The following SNRPC variants were observed in gnomAD, a reference collection of about 807,000 sequenced individuals.
SNRPC encodes the protein U1 small nuclear ribonucleoprotein C.
SNRPC carries 5 observed loss-of-function variants against 20.0 expected under a neutral mutation model. That is an observed-to-expected ratio of 0.25 (90% confidence interval 0.13 to 0.53). SNRPC has a LOEUF of 0.53. Ranked by LOEUF, SNRPC falls within the 20% of genes least tolerant of loss-of-function variation. The pLI is 0.96. For synonymous variants in SNRPC, 61 were observed against 58.7 expected (o/e 1.04, Z -0.18); for missense variants, 112 against 224.1 (o/e 0.50, Z 3.19).
At chr6:34,757,691 G>A in intron 1 of SNRPC, 140 bp downstream of exon 1, 1 of 1,376,678 alleles carries the variant, frequency 7.3e-7, no homozygotes, top group Non-Finnish European at 1.0e-6. Flanking sequence ...CAGGGAGATG[G>A]AGAGCGCTAG....
chr6:34,760,744 T>C (rs1764525158), intron 2 of SNRPC, among the ~76,000 whole-genome samples: 1 of 151,998 alleles, frequency 6.6e-6, no homozygotes, highest in South Asian at 2.1e-4. Context: ...ATCCCTGCAG[T>C]GGACTTAGAA....
At position 34,773,782 on chromosome 6, in the gene SNRPC, CT is replaced by C; in HGVS notation, c.*215del. The C allele has an allele frequency of 2.4e-6, 1 of 421,954 alleles. No homozygotes were observed. The highest frequency in any genetic ancestry group is 2.0e-5 in the African/African-American group (1 of 50,604). 26.1% of individuals were successfully genotyped at this position (421,954 alleles called of 1,614,324 possible). A position where few individuals can be genotyped will look rare whatever the true frequency, so the allele number is the denominator to read the frequency against. The stretch of plus-strand genomic sequence containing the variant: ...AAATGTGAAAATAAAATTGTCAACT[CT>C]TTCAGTTAAAAGTGTGTTCCCTTTT... On this transcript the variant is annotated 3_prime_UTR_variant, in exon 6 of 6. Transcript: ENST00000244520. The surrounding 1 kb of genome is among the most constrained non-coding windows in gnomAD (Gnocchi z 4.1).
chr6:34,759,951 G>A (rs1454880475), intron 2 of SNRPC, among the ~76,000 whole-genome samples: 1 of 152,026 alleles, frequency 6.6e-6, no homozygotes, highest in East Asian at 1.9e-4. Context: ...TGATCATCTT[G>A]AATAGTAGCT....
chr6:34,766,231 T>A (rs1470861317), intron 3 of SNRPC, among the ~76,000 whole-genome samples: 3 of 151,950 alleles, frequency 2.0e-5, no homozygotes, highest in Non-Finnish European at 4.4e-5. Flanking sequence ...GATAGAGTCT[T>A]ACTCTGTCAC....
chr6:34,759,684 C>T (rs1194364269), intron 2 of SNRPC, among the ~76,000 whole-genome samples: 2 of 152,090 alleles, frequency 1.3e-5, no homozygotes, highest in African/African-American at 2.4e-5. Flanking sequence ...TTCTAAAGTA[C>T]CAGGAGTTTG....
intron 2 of SNRPC, 114 bp from the exon 3 acceptor site, chr6:34,762,481 A>ACC: frequency 1.6e-6 from 1 of 610,642 alleles, no homozygotes. Flanking sequence ...ATACTGTAGC[A>ACC]GCCAGCTAAT....
At chr6:34,764,097 A>C (rs1443141252) in intron 3 of SNRPC, among the ~76,000 whole-genome samples, 1 of 151,724 alleles carries the variant, frequency 6.6e-6, no homozygotes, top group Non-Finnish European at 1.5e-5. Context: ...TAATCTCAGC[A>C]CTTTGGGAGG....
intron 2 of SNRPC, among the ~76,000 whole-genome samples, chr6:34,762,285 CAG>C (rs1291206444): frequency 6.7e-6 from 1 of 148,476 alleles, no homozygotes; most frequent in African/African-American, 2.5e-5. Flanking sequence ...GCCTGGGCAA[CAG>C]AGCAGGACCC....
At chr6:34,767,873 A>ATT in intron 3 of SNRPC, 35 bp from the exon 4 acceptor site, 1 of 1,365,282 alleles carries the variant, frequency 7.3e-7, no homozygotes, top group Non-Finnish European at 9.9e-7. Flanking sequence ...ATTCTTATTC[A>ATT]TCTTTTTTTT....
chr6:34,767,764 C>T (rs1764631504), intron 3 of SNRPC, 144 bp from the exon 4 acceptor site: 1 of 792,376 alleles, frequency 1.3e-6, no homozygotes, highest in Non-Finnish European at 1.8e-6. Context: ...AACTGTAGAA[C>T]CATGATGTAA....
chr6:34,769,174 C>T (rs62404837), intron 4 of SNRPC, among the ~76,000 whole-genome samples: 5 of 151,586 alleles, frequency 3.3e-5, no homozygotes, highest in Non-Finnish European at 7.4e-5. Context: ...TTTTTGATAG[C>T]GGAATAGTCT....
intron 3 of SNRPC, among the ~76,000 whole-genome samples, chr6:34,763,576 G>A (rs1277889455): frequency 6.6e-6 from 1 of 151,258 alleles, no homozygotes; most frequent in Non-Finnish European, 1.5e-5. Context: ...AGCTACTCAG[G>A]AGGCTAAGGC....
At chr6:34,759,687 G>A (rs1764507727) in intron 2 of SNRPC, among the ~76,000 whole-genome samples, 2 of 152,164 alleles carry the variant, frequency 1.3e-5, no homozygotes, top group Admixed American at 1.3e-4. Flanking sequence ...TAAAGTACCA[G>A]GAGTTTGGCA....
chr6:34,764,250 C>T (rs1235364992), intron 3 of SNRPC, among the ~76,000 whole-genome samples: 8 of 151,042 alleles, frequency 5.3e-5, no homozygotes, highest in Admixed American at 1.3e-4. Context: ...GAGGCTGAGG[C>T]GGGTGGATCA....
chr6:34,767,881 T>A, intron 3 of SNRPC, 27 bp from the exon 4 acceptor site: 1 of 1,477,592 alleles, frequency 6.8e-7, no homozygotes. Flanking sequence ...TCATCTTTTT[T>A]TTTTTTTTTT....
intron 5 of SNRPC, among the ~76,000 whole-genome samples, chr6:34,772,641 A>C (rs3798351): frequency 0.064 from 9,773 of 152,230 alleles, 533 homozygotes; most frequent in East Asian, 0.33. Context: ...TTGATATTTA[A>C]AAAGAATATA....
chr6:34,768,331 AG>A (rs1292576993), intron 4 of SNRPC, among the ~76,000 whole-genome samples: 1 of 152,202 alleles, frequency 6.6e-6, no homozygotes, highest in African/African-American at 2.4e-5. Flanking sequence ...CATGAATAGG[AG>A]TTGCTAGGTA....
rs1354556889 is a variant in SNRPC, at chr6:34,764,162, G to A, written c.160+1459G>A. Among the ~76,000 whole-genome samples, 4 of 149,774 alleles carry A rather than the reference G, an allele frequency of 2.7e-5. No individual in the cohort carries two copies. In the East Asian group the frequency reaches 7.9e-4, roughly 30 times the overall value. On this transcript the variant is annotated intron_variant, in intron 3 of 5. Transcript: ENST00000244520. ...AGTTCGAGACCAGCTTGGCCAACAT[G>A]GCAAAACCCCATCTCTACTAAAAAT...
intron 4 of SNRPC, 21 bp from the exon 5 acceptor site, chr6:34,770,270 A>C: frequency 2.7e-6 from 4 of 1,499,310 alleles, no homozygotes; most frequent in Non-Finnish European, 3.7e-6. Context: ...CCTTAACCAC[A>C]GGCTCCATTC....
Sources: gnomAD v4.1 joint callset for allele counts (sites outside exome capture counted in the v4.1 genomes callset) on GRCh38, gnomAD v4.1.1 for gene constraint, Gnocchi (gnomAD v3.1) non-coding constraint, MANE v1.5 for transcripts, NCBI Gene and HGNC (gene_info 2026-07-23, HGNC 2026-07-21) for gene names.